Variants in OTC observed in about 807,000 individuals in gnomAD.
The protein encoded by OTC is ornithine transcarbamylase, mitochondrial.
In OTC, 3 loss-of-function variants were observed where a neutral mutation model predicts 30.3. That is an observed-to-expected ratio of 0.10 (90% CI 0.05 to 0.26). The LOEUF (loss-of-function observed/expected upper bound fraction) is 0.26. Ranked by LOEUF, OTC falls within the 10% of genes least tolerant of loss-of-function variation. OTC has a pLI of 1.00. For synonymous variants in OTC, 111 were observed against 99.7 expected (o/e 1.11, Z -0.67); for missense variants, 194 against 260.3 (o/e 0.75, Z 1.75).
chrX:38,380,533 A>G (rs146149709), intron 3 of OTC, among the ~76,000 whole-genome samples: 1 of 111,487 alleles, frequency 9.0e-6, no homozygotes, highest in African/African-American at 3.3e-5. Flanking sequence ...TTTCCCCAGA[A>G]TGTGTGATGA....
intron 3 of OTC, among the ~76,000 whole-genome samples, chrX:38,376,217 A>G (rs2068347131): frequency 9.0e-6 from 1 of 111,338 alleles, no homozygotes; most frequent in African/African-American, 3.3e-5. Flanking sequence ...AGAAAGAAGA[A>G]CAAAGAGCTT....
the OTC span, among the ~76,000 whole-genome samples, chrX:38,336,099 G>A: frequency 9.0e-6 from 1 of 111,181 alleles, no homozygotes; most frequent in African/African-American, 3.3e-5. Flanking sequence ...ATTTTGAGGG[G>A]TTGGAAGGAG....
chrX:38,395,591 T>C, intron 4 of OTC: 1 of 146,704 alleles, frequency 6.8e-6, no homozygotes, highest in Admixed American at 6.7e-5. Context: ...CCCACAGTTC[T>C]CTCTGCACAC....
At chrX:38,367,008 T>C (rs2068299430) in intron 1 of OTC, among the ~76,000 whole-genome samples, 2 of 110,026 alleles carry the variant, frequency 1.8e-5, no homozygotes, top group Admixed American at 2.0e-4. Context: ...AGAAACCCCG[T>C]CTCTAGTAAA....
intron 4 of OTC, among the ~76,000 whole-genome samples, chrX:38,384,880 T>C (rs904198110): frequency 8.9e-6 from 1 of 112,756 alleles, no homozygotes; most frequent in African/African-American, 3.2e-5. Flanking sequence ...GTGCCACTTA[T>C]TTGTTCAAAT....
chrX:38,369,752 T>C lies in OTC; in HGVS notation c.217-44T>C, dbSNP rs200041805. 7 of 676,081 alleles carry C rather than the reference T, an allele frequency of 1.0e-5. No homozygotes were observed. The East Asian group carries it at 2.6e-4, about 25-fold the overall frequency. The allele number at this position is 676,081 out of a possible 1,213,427, so 55.7% of individuals were successfully genotyped here. On this transcript the variant is annotated intron_variant, in intron 2 of 9. Coordinates refer to ENST00000039007, the MANE Select transcript of OTC (RefSeq NM_000531.6). ...AGAATATGTTTTAAAACATAATTTA[T>C]ATATAAGATATATTTTAATTCTATT...
At chrX:38,409,691 A>G (rs2068533918) in intron 8 of OTC, among the ~76,000 whole-genome samples, 1 of 112,501 alleles carries the variant, frequency 8.9e-6, no homozygotes, top group Middle Eastern at 4.6e-3. Flanking sequence ...TTGAGAAGCA[A>G]TGTTCTGGAG....
chrX:38,409,172 C>A, intron 8 of OTC, 147 bp downstream of exon 8: 1 of 634,190 alleles, frequency 1.6e-6, no homozygotes, highest in Non-Finnish European at 2.5e-6. Flanking sequence ...GGACTTCTCT[C>A]CTTCCAAAGA....
intron 1 of OTC, among the ~76,000 whole-genome samples, chrX:38,362,531 A>G (rs1602012877): frequency 1.8e-5 from 2 of 112,169 alleles, no homozygotes; most frequent in Middle Eastern, 9.3e-3. Flanking sequence ...TTTGAAAATC[A>G]AAGGCCTTGA....
chrX:38,412,571 C>T (rs762810686), intron 9 of OTC, among the ~76,000 whole-genome samples: 2 of 112,242 alleles, frequency 1.8e-5, no homozygotes, highest in African/African-American at 6.5e-5. Flanking sequence ...TCATCTTCAT[C>T]ACTGTCATTC....
the OTC span, among the ~76,000 whole-genome samples, chrX:38,346,304 G>T: frequency 1.8e-5 from 2 of 111,874 alleles, no homozygotes; most frequent in African/African-American, 6.5e-5. Context: ...AATACCAAAT[G>T]CTGGAAAGGT....
At chrX:38,340,112 T>C in the OTC span, among the ~76,000 whole-genome samples, 2 of 111,973 alleles carry the variant, frequency 1.8e-5, no homozygotes, top group South Asian at 3.7e-4. Context: ...GTGTTGAAAA[T>C]TGTGGTAAAT....
intron 9 of OTC, among the ~76,000 whole-genome samples, chrX:38,414,159 T>C (rs2068558259): frequency 8.9e-6 from 1 of 112,084 alleles, no homozygotes; most frequent in African/African-American, 3.2e-5. Context: ...TACAAAGATA[T>C]ATCAAGTAAA....
intron 4 of OTC, among the ~76,000 whole-genome samples, chrX:38,396,773 A>G (rs896700291): frequency 9.3e-6 from 1 of 107,060 alleles, no homozygotes; most frequent in Non-Finnish European, 1.9e-5. Flanking sequence ...ACTCCGTCTG[A>G]AAAAAAAAAA....
chrX:38,359,017 T>C (rs1314123806), intron 1 of OTC, among the ~76,000 whole-genome samples: 1 of 111,764 alleles, frequency 8.9e-6, no homozygotes, highest in Non-Finnish European at 1.9e-5. Flanking sequence ...TCTACCGCTT[T>C]TGTCCCCAAG....
At chrX:38,371,177 T>A (rs1467727152) in intron 3 of OTC, among the ~76,000 whole-genome samples, 1 of 111,779 alleles carries the variant, frequency 8.9e-6, no homozygotes, top group Non-Finnish European at 1.9e-5. Flanking sequence ...CCCTTTCAGT[T>A]CCCAGTATTG....
the OTC span, among the ~76,000 whole-genome samples, chrX:38,333,108 G>T: frequency 0.044 from 4,716 of 108,063 alleles, 282 homozygotes; most frequent in African/African-American, 0.15. Flanking sequence ...CCAGCTGCTT[G>T]GGAGGCTGAG....
At position 38,401,456 on chromosome X, in the gene OTC, G is replaced by C. The variant is rs761198155; in HGVS notation, c.540+28G>C. 57 of 1,137,738 alleles carry C rather than the reference G, an allele frequency of 5.0e-5. No homozygotes were observed. In the Admixed American group the frequency reaches 5.3e-4, roughly 10 times the overall value. The allele number at this position is 1,137,738 out of a possible 1,213,427, so 93.8% of individuals were successfully genotyped here. ...TGGTTTATTTATTTGTCTTACAAAA[G>C]AGCAAAATCAAATAATTCCTGACTT... On this transcript the variant is annotated intron_variant, in intron 5 of 9. Coordinates refer to ENST00000039007, the MANE Select transcript of OTC (RefSeq NM_000531.6).
At chrX:38,369,241 A>G (rs765145956) in intron 2 of OTC, among the ~76,000 whole-genome samples, 25 of 112,145 alleles carry the variant, frequency 2.2e-4, no homozygotes, top group Non-Finnish European at 4.1e-4. Flanking sequence ...AAAAATTCAC[A>G]TGTTGAACCC....
Sources: allele counts gnomAD v4.1 joint callset (sites outside exome capture counted in the v4.1 genomes callset), GRCh38; gene constraint gnomAD v4.1.1; transcripts MANE v1.5; gene names NCBI Gene and HGNC (gene_info 2026-07-23, HGNC 2026-07-21).